The following TBCCD1 variants were observed in gnomAD, a reference collection of about 807,000 sequenced individuals.
The protein encoded by TBCCD1 is TBCC domain containing 1.
TBCCD1 carries 26 observed loss-of-function variants against 53.4 expected under a neutral mutation model. The observed-to-expected ratio is 0.49, with a 90% CI of 0.36 to 0.68. TBCCD1 has a LOEUF of 0.68. Ranked by LOEUF, TBCCD1 falls within the 30% of genes least tolerant of loss-of-function variation. The probability of loss-of-function intolerance (pLI) is 0.00; values close to 1 mark genes in which losing one functional copy is unlikely to be tolerated. For missense variants in TBCCD1, 558 were observed against 669.5 expected, an observed-to-expected ratio of 0.83 and a Z score of 1.84; for synonymous variants, 245 against 241.7, an observed-to-expected ratio of 1.01 and a Z score of -0.13.
At chr3:186,559,354 T>C (rs1714631969) in intron 2 of TBCCD1, among the ~76,000 whole-genome samples, 1 of 152,210 alleles carries the variant, frequency 6.6e-6, no homozygotes, top group African/African-American at 2.4e-5. Flanking sequence ...TTTTGGTATA[T>C]GTGCATTTTT....
At chr3:186,565,085 T>TTATTG (rs1388401886) in intron 1 of TBCCD1, among the ~76,000 whole-genome samples, 1 of 151,910 alleles carries the variant, frequency 6.6e-6, no homozygotes, top group East Asian at 1.9e-4. Context: ...AATTAATATT[T>TTATTG]TATTGTATTT....
rs1035320485 is a variant in TBCCD1 at position 186,562,767 on chromosome 3, C to T, written c.336+1227G>A. ...GGGGGGTGATGGGTATGTCTATGTC[C>T]TTGACGGTCATGATGGTTTCACAGC... On this transcript the variant is annotated intron_variant, in intron 2 of 7. Transcript: ENST00000338733. Among the ~76,000 whole-genome samples, 5 of 152,076 alleles carry T rather than the reference C, an allele frequency of 3.3e-5. No homozygotes were observed. In the South Asian group the frequency reaches 1.0e-3, roughly 32 times the overall value.
At chr3:186,560,205 G>T (rs1017473395) in intron 2 of TBCCD1, among the ~76,000 whole-genome samples, 2 of 151,788 alleles carry the variant, frequency 1.3e-5, no homozygotes, top group Admixed American at 1.3e-4. Context: ...TACATAAAAA[G>T]CACTCAAAAA....
chr3:186,563,534 A>G (rs370591138), intron 2 of TBCCD1, among the ~76,000 whole-genome samples: 2 of 152,292 alleles, frequency 1.3e-5, no homozygotes, highest in East Asian at 3.9e-4. Context: ...TGTTCATAAC[A>G]CTCATTCACC....
chr3:186,548,360 G>A (rs556668360), intron 7 of TBCCD1, among the ~76,000 whole-genome samples: 15 of 152,374 alleles, frequency 9.8e-5, no homozygotes, highest in Admixed American at 2.0e-4. Flanking sequence ...AAGAGGAAAT[G>A]TAGGGGTTGG....
intron 2 of TBCCD1, among the ~76,000 whole-genome samples, chr3:186,560,041 G>T (rs373169280): frequency 6.6e-6 from 1 of 151,904 alleles, no homozygotes; most frequent in Non-Finnish European, 1.5e-5. Context: ...GTAACCTCTT[G>T]GGATTGGCTT....
At chr3:186,561,470 G>A (rs1432254118) in intron 2 of TBCCD1, among the ~76,000 whole-genome samples, 2 of 152,248 alleles carry the variant, frequency 1.3e-5, no homozygotes, top group East Asian at 3.8e-4. Context: ...TACACTGTCA[G>A]TGAGAATGTA....
rs943115565 is a variant in TBCCD1 at position 186,546,070 on chromosome 3, T to A, written c.*907A>T. On this transcript the variant is annotated 3_prime_UTR_variant, in exon 8 of 8. Transcript: ENST00000338733. ...CTTTTACAAAAAAAGGAAATTATTC[T>A]TTAGAGTTTGTTTATTGAAAATTTG... 4 of 152,206 alleles carry A rather than the reference T, an allele frequency of 2.6e-5. No individual in the cohort carries two copies. The highest frequency in any genetic ancestry group is 2.6e-4 in the Admixed American group (4 of 15,286). The allele number at this position is 152,206 out of a possible 1,614,324, so 9.4% of individuals were successfully genotyped here.
chr3:186,562,262 T>C (rs1041294194), intron 2 of TBCCD1, among the ~76,000 whole-genome samples: 22 of 152,206 alleles, frequency 1.4e-4, no homozygotes, highest in African/African-American at 4.6e-4. Flanking sequence ...GAAGGATTGC[T>C]TGTGCCCAGA....
At position 186,546,956 on chromosome 3, in the gene TBCCD1, C is replaced by G. The variant is rs1714231759; in HGVS notation, c.*22-1G>C. 1 of 151,972 alleles carries G rather than the reference C, an allele frequency of 6.6e-6. No individual in the cohort carries two copies. Among genetic ancestry groups the G allele is most frequent in the Admixed American group, 6.6e-5 (1 of 15,252 alleles). 9.4% of individuals were successfully genotyped at this position (151,972 alleles called of 1,614,324 possible). A position where few individuals can be genotyped will look rare whatever the true frequency, so the allele number is the denominator to read the frequency against. On this transcript the variant is annotated splice_acceptor_variant, in intron 7 of 7. Transcript: ENST00000338733. LOFTEE classifies it low-confidence loss of function (3UTR_SPLICE). ...CATTTATCCTTGTATTTCCAGGGCC[C>G]TGAAGATCAAAGAAAAAATAATATT... is the stretch of plus-strand genomic sequence containing the variant.
chr3:186,557,311 ACTGACTTGC>A (rs1714571178), intron 3 of TBCCD1, among the ~76,000 whole-genome samples: 1 of 152,220 alleles, frequency 6.6e-6, no homozygotes, highest in South Asian at 2.1e-4. Flanking sequence ...AGAGAAGTTA[ACTGACTTGC>A]CTAAAATCGT....
upstream of TBCCD1, among the ~76,000 whole-genome samples, chr3:186,568,905 G>GAA (rs1315274828): frequency 3.0e-5 from 4 of 135,316 alleles, no homozygotes; most frequent in Admixed American, 7.3e-5. Flanking sequence ...TCTGTCTCAG[G>GAA]AAAAAAAAAG....
chr3:186,567,640 G>A (rs1714880709), upstream of TBCCD1: 1 of 152,258 alleles, frequency 6.6e-6, no homozygotes, highest in Non-Finnish European at 1.5e-5. Context: ...TAATACTAAT[G>A]GCAGTTTGCA....
At position 186,554,708 on chromosome 3, in the gene TBCCD1, C is replaced by G. The variant is rs762988378; in HGVS notation, c.1090G>C (p.Gly364Arg). Residue 364 changes from glycine (G) to arginine (R), a missense_variant, in exon 6 of 8, where the codon GGC (glycine) becomes CGC (arginine). Transcript: ENST00000338733. ...EKCRNSIFVL[G>R]PVGTTLHLHS... ...AGGTGAAGTGTAGTCCCTACAGGGC[C>G]CAAGACAAAGATGCTATTCCTGCAC... The G allele has an allele frequency of 6.2e-7, 1 of 1,613,808 alleles. No individual in the cohort carries two copies. Among genetic ancestry groups the G allele is most frequent in the African/African-American group, 1.3e-5 (1 of 74,840 alleles).
Position 186,551,261 on chromosome 3 carries a change from G to C in TBCCD1, c.1563C>G (p.Phe521Leu). 1 of 1,612,698 alleles carries C rather than the reference G, an allele frequency of 6.2e-7. No homozygotes were observed. Among genetic ancestry groups the C allele is most frequent in the Non-Finnish European group, 8.5e-7 (1 of 1,179,636 alleles). Residue 521 changes from phenylalanine to leucine, a missense_variant, in exon 7 of 8, where the codon TTC (phenylalanine) becomes TTG (leucine). Phe to Leu is a conservative substitution (Grantham distance 22). Coordinates refer to ENST00000338733, the MANE Select transcript of TBCCD1 (RefSeq NM_018138.5). ...AAAACTTGTTCTCTACCAGTACCTG[G>C]AACTGCTTCCTTTGATCCCTAAAAT... Reference protein sequence around the residue: ...AHLTKDQRKQFQVLVENKFYE... With the variant: ...AHLTKDQRKQLQVLVENKFYE...
chr3:186,548,220 A>G (rs1048064161), intron 7 of TBCCD1, among the ~76,000 whole-genome samples: 2 of 152,242 alleles, frequency 1.3e-5, no homozygotes, highest in African/African-American at 2.4e-5. Flanking sequence ...ACATGGCTAC[A>G]TGGATGAATC....
At chr3:186,552,495 A>T in intron 6 of TBCCD1, among the ~76,000 whole-genome samples, 1 of 152,134 alleles carries the variant, frequency 6.6e-6, no homozygotes, top group East Asian at 1.9e-4. Flanking sequence ...CCTCCAAAAA[A>T]ATGTTGTGAC....
chr3:186,564,752 C>T (rs1160444694), intron 1 of TBCCD1, among the ~76,000 whole-genome samples: 1 of 152,164 alleles, frequency 6.6e-6, no homozygotes, highest in Non-Finnish European at 1.5e-5. Context: ...ATACATTTCA[C>T]AGAGTTAAAT....
At chr3:186,569,283 G>T (rs776476345), upstream of TBCCD1, among the ~76,000 whole-genome samples, 1 of 142,226 alleles carries the variant, frequency 7.0e-6, no homozygotes, top group African/African-American at 2.7e-5. Context: ...TTTAAACAGG[G>T]GAGTGACATG....
Sources: gnomAD v4.1 joint callset for allele counts (sites outside exome capture counted in the v4.1 genomes callset) on GRCh38, gnomAD v4.1.1 for gene constraint, MANE v1.5 for transcripts, NCBI Gene and HGNC (gene_info 2026-07-23, HGNC 2026-07-21) for gene names.